The following SLC23A2 variants were observed in gnomAD, a reference collection of about 807,000 sequenced individuals.
SLC23A2 encodes the protein Na(+)/L-ascorbic acid transporter 2.
SLC23A2 carries 36 observed loss-of-function variants against 73.3 expected under a neutral mutation model. That is an observed-to-expected ratio of 0.49 (90% confidence interval 0.38 to 0.65). The LOEUF (loss-of-function observed/expected upper bound fraction) is 0.65. Ranked by LOEUF, SLC23A2 falls within the 30% of genes least tolerant of loss-of-function variation. SLC23A2 has a pLI of 0.00. For missense variants in SLC23A2, 507 were observed against 841.6 expected, an observed-to-expected ratio of 0.60 and a Z score of 4.92; for synonymous variants, 343 against 327.3, an observed-to-expected ratio of 1.05 and a Z score of -0.52.
Position 4,974,235 on chromosome 20 carries a change from C to T in SLC23A2, c.-281-3316G>A, listed in dbSNP as rs1158937180. ...CCTGTAATCCCAGCACTTTGGGAGG[C>T]TGAGGTGGGTGGATCACCTGAGGTC... On this transcript the variant is annotated intron_variant, in intron 1 of 16. Coordinates refer to ENST00000338244, the MANE Select transcript of SLC23A2 (RefSeq NM_005116.6). Among the ~76,000 whole-genome samples, 3 of 152,108 alleles carry T rather than the reference C, an allele frequency of 2.0e-5. No individual in the cohort carries two copies. The East Asian group carries it at 5.8e-4, about 29-fold the overall frequency.
intron 4 of SLC23A2, among the ~76,000 whole-genome samples, chr20:4,906,962 A>G (rs1331368942): frequency 6.6e-6 from 1 of 152,226 alleles, no homozygotes; most frequent in Non-Finnish European, 1.5e-5. Context: ...AGGACCCCAG[A>G]AAGTGCTATG....
intron 1 of SLC23A2, among the ~76,000 whole-genome samples, chr20:5,006,733 G>T (rs1255224814): frequency 6.6e-6 from 1 of 151,766 alleles, no homozygotes; most frequent in Non-Finnish European, 1.5e-5. Context: ...TAGAGACAGG[G>T]TTTCACCATG....
intron 1 of SLC23A2, among the ~76,000 whole-genome samples, chr20:4,981,576 C>T (rs866637052): frequency 6.6e-6 from 1 of 152,114 alleles, no homozygotes; most frequent in African/African-American, 2.4e-5. Flanking sequence ...AGGTTGAGGA[C>T]CACTGACATG....
chr20:4,957,642 T>C (rs966728706), intron 2 of SLC23A2, among the ~76,000 whole-genome samples: 2 of 150,580 alleles, frequency 1.3e-5, no homozygotes, highest in African/African-American at 4.9e-5. Flanking sequence ...GGCTCACACC[T>C]GTAATCCCAG....
chr20:4,940,945 C>T (rs777291979), intron 2 of SLC23A2, among the ~76,000 whole-genome samples: 1 of 152,130 alleles, frequency 6.6e-6, no homozygotes, highest in Non-Finnish European at 1.5e-5. Context: ...TGCCTGAGGT[C>T]GGGAGTTCAA....
intron 1 of SLC23A2, among the ~76,000 whole-genome samples, chr20:4,977,379 A>AT (rs879681786): frequency 2.1e-4 from 32 of 151,174 alleles, no homozygotes; most frequent in Admixed American, 9.9e-4. Flanking sequence ...TATTATTATT[A>AT]TTTTTTTTTA....
At chr20:4,933,273 C>A (rs139297926) in intron 2 of SLC23A2, among the ~76,000 whole-genome samples, 1 of 152,128 alleles carries the variant, frequency 6.6e-6, no homozygotes, top group East Asian at 1.9e-4. Context: ...CCTACATGTG[C>A]CCAATTAAAA....
At chr20:4,976,375 T>C (rs952566182) in intron 1 of SLC23A2, among the ~76,000 whole-genome samples, 3 of 152,056 alleles carry the variant, frequency 2.0e-5, no homozygotes, top group South Asian at 2.1e-4. Context: ...ATTACTTTTG[T>C]GCTAGAAAGT....
chr20:4,898,118 C>T (rs1027603384), intron 6 of SLC23A2, among the ~76,000 whole-genome samples: 16 of 152,212 alleles, frequency 1.1e-4, no homozygotes, highest in African/African-American at 3.4e-4. Flanking sequence ...AGGCCCAGAC[C>T]ACATCTCCTT....
chr20:4,927,859 C>T (rs1175922713), intron 3 of SLC23A2, among the ~76,000 whole-genome samples: 2 of 152,152 alleles, frequency 1.3e-5, no homozygotes, highest in Non-Finnish European at 2.9e-5. Flanking sequence ...TGCCTCCAAC[C>T]AGCTGCCCCC....
intron 1 of SLC23A2, among the ~76,000 whole-genome samples, chr20:4,988,263 T>C (rs917124381): frequency 1.3e-5 from 2 of 151,592 alleles, no homozygotes; most frequent in East Asian, 2.0e-4. Context: ...GATCACACCA[T>C]TGTACTCCAG....
intron 1 of SLC23A2, among the ~76,000 whole-genome samples, chr20:4,999,310 G>T (rs2088077526): frequency 6.6e-6 from 1 of 152,182 alleles, no homozygotes. Context: ...ATTCAACAAC[G>T]ATCTGTTCAA....
Position 4,932,522 on chromosome 20 carries a change from T to G in SLC23A2, c.41A>C (p.Glu14Ala). The G allele has an allele frequency of 6.2e-7, 1 of 1,609,802 alleles. No individual in the cohort carries two copies. Among genetic ancestry groups the G allele is most frequent in the Non-Finnish European group, 8.5e-7 (1 of 1,176,052 alleles). The change falls in exon 3 of 17, where the codon GAG becomes GCG. Residue 14 changes from glutamate (E) to alanine (A), a missense_variant. By Grantham distance (107) the Glu-to-Ala change is moderately radical (BLOSUM62 -1). Coordinates refer to ENST00000338244, the MANE Select transcript of SLC23A2 (RefSeq NM_005116.6). The stretch of plus-strand genomic sequence containing the variant: ...TTTGCCTTCTGTTGAACTTCCAGCC[T>G]CCATTGATTTGGATGTGGTATTCTT... The part of the protein sequence containing the change: ...IGKNTTSKSM[E>A]AGSSTEGKYE...
rs1255535409 is a variant in SLC23A2 at position 4,899,286 on chromosome 20, C to T, written c.482+269G>A. On this transcript the variant is annotated intron_variant, in intron 6 of 16. Transcript: ENST00000338244. The surrounding 1 kb of genome is among the most constrained non-coding windows in gnomAD (Gnocchi z 4.9). Reference sequence around the variant, plus strand: ...GCACAGAGGGGTGCTGGGGAGCGAGCATGACTTGCCAAGGGGGCAGGGGAA... The same window carrying T: ...GCACAGAGGGGTGCTGGGGAGCGAGTATGACTTGCCAAGGGGGCAGGGGAA... Among the ~76,000 whole-genome samples, 3 of 152,046 alleles carry T rather than the reference C, an allele frequency of 2.0e-5. No homozygotes were observed. Among genetic ancestry groups the T allele is most frequent in the African/African-American group, 7.3e-5 (3 of 41,376 alleles).
In SLC23A2 at chr20:4,902,562, C is replaced by T. The variant is rs73893859; in HGVS notation, c.208-4G>A. The T allele has an allele frequency of 1.3e-3, 1,998 of 1,563,874 alleles. 8 individuals carry two copies. The African/African-American group carries it at 0.013, about 10-fold the overall frequency. On this transcript the variant is annotated splice_region_variant and splice_polypyrimidine_tract_variant and intron_variant, in intron 4 of 16. Transcript: ENST00000338244. This position sits in a 1 kb window ranked among gnomAD's most constrained non-coding sequence, Gnocchi z 4.0. ...CCAGGGTCTCAGCGAGAGAGCTCTG[C>T]GAGCCAGAAGGAGAAAAGAAGGTGC...
intron 5 of SLC23A2, among the ~76,000 whole-genome samples, chr20:4,901,153 C>T (rs960625177): frequency 6.6e-6 from 1 of 152,156 alleles, no homozygotes; most frequent in African/African-American, 2.4e-5. Flanking sequence ...GTTGCCGAGG[C>T]CACTCAGCTC....
intron 11 of SLC23A2, among the ~76,000 whole-genome samples, chr20:4,871,343 T>G (rs1930438625): frequency 6.6e-6 from 1 of 151,932 alleles, no homozygotes; most frequent in African/African-American, 2.4e-5. Flanking sequence ...AAAGGCGAAG[T>G]CGGGCCCTGG....
intron 2 of SLC23A2, among the ~76,000 whole-genome samples, chr20:4,950,745 C>T (rs1233711090): frequency 6.6e-6 from 1 of 152,028 alleles, no homozygotes; most frequent in Non-Finnish European, 1.5e-5. Flanking sequence ...GAACTCGAGG[C>T]TCAGATGACA....
At position 4,902,089 on chromosome 20, in the gene SLC23A2, G is replaced by A. The variant is rs115189229; in HGVS notation, c.324+353C>T. The stretch of plus-strand genomic sequence containing the variant: ...TGGAGTGGTGTGATCACAGCTCACT[G>A]CAACCTCAACCTCAAGCGATCCTCC... On this transcript the variant is annotated intron_variant, in intron 5 of 16. Coordinates refer to ENST00000338244, the MANE Select transcript of SLC23A2 (RefSeq NM_005116.6). The surrounding 1 kb of genome is among the most constrained non-coding windows in gnomAD (Gnocchi z 4.0). Among the ~76,000 whole-genome samples the A allele has an allele frequency of 0.016, 2,392 of 152,218 alleles. 48 individuals are homozygous for A. The highest frequency in any genetic ancestry group is 0.055 in the African/African-American group (2,266 of 41,516).
Sources: gnomAD v4.1 joint callset for allele counts (sites outside exome capture counted in the v4.1 genomes callset) on GRCh38, gnomAD v4.1.1 for gene constraint, Gnocchi (gnomAD v3.1) non-coding constraint, MANE v1.5 for transcripts, NCBI Gene and HGNC (gene_info 2026-07-23, HGNC 2026-07-21) for gene names.